The following BSN variants were observed in gnomAD, a reference collection of about 807,000 sequenced individuals.
BSN encodes the protein bassoon presynaptic cytomatrix protein.
A neutral mutation model predicts 264.8 loss-of-function variants in BSN; 57 were observed. That is an observed-to-expected ratio of 0.22 (90% CI 0.17 to 0.27). The LOEUF (loss-of-function observed/expected upper bound fraction) is 0.27, where lower values mean the gene tolerates loss of function less well. Among genes scored for constraint, BSN ranks in the 10% least tolerant of loss-of-function variants. The probability of loss-of-function intolerance (pLI) is 1.00; values close to 1 mark genes in which losing one functional copy is unlikely to be tolerated. For synonymous variants in BSN, 2,059 were observed against 2,137.3 expected (o/e 0.96, Z 1.01); for missense variants, 4,615 against 5,232.5 (o/e 0.88, Z 3.64).
chr3:49,605,105 C>T (rs1437329322), intron 1 of BSN, among the ~76,000 whole-genome samples: 1 of 148,924 alleles, frequency 6.7e-6, no homozygotes, highest in Admixed American at 7.0e-5. Context: ...ACTAAAAATA[C>T]AAAAATTAGC....
intron 1 of BSN, among the ~76,000 whole-genome samples, chr3:49,597,290 A>G (rs2052031519): frequency 6.6e-6 from 1 of 152,094 alleles, no homozygotes; most frequent in Non-Finnish European, 1.5e-5. Context: ...GCTCAAATGT[A>G]GGATTTTTTT....
intron 1 of BSN, among the ~76,000 whole-genome samples, chr3:49,578,027 T>C (rs190072636): frequency 3.8e-4 from 58 of 152,320 alleles, no homozygotes; most frequent in Non-Finnish European, 2.1e-4. Flanking sequence ...TCATTACAGG[T>C]TTCACACCTA....
In BSN at chr3:49,655,036, T is replaced by C. The variant is rs763966962; in HGVS notation, c.5480T>C (p.Ile1827Thr). The C allele has an allele frequency of 9.9e-6, 16 of 1,613,032 alleles. No individual in the cohort carries two copies. The highest frequency in any genetic ancestry group is 6.7e-5 in the African/African-American group (5 of 74,938). Residue 1827 changes from isoleucine (I) to threonine (T), a missense_variant, in exon 5 of 12, where the codon ATT becomes ACT. Around this residue, in one of 3 missense-constraint regions of BSN, gnomAD observed 3,415 missense variants for 3,866.4 expected, o/e 0.88. Transcript: ENST00000296452. ...ACTCAGATGGGCACCGCCCAGAGCA[T>C]TGGCCTCAAGCCAGGCCCAGTGCCA... Reference protein sequence around the residue: ...LITQMGTAQSIGLKPGPVPEP... With the variant: ...LITQMGTAQSTGLKPGPVPEP...
At chr3:49,591,524 T>C (rs1171470440) in intron 1 of BSN, among the ~76,000 whole-genome samples, 8 of 152,242 alleles carry the variant, frequency 5.3e-5, no homozygotes, top group Non-Finnish European at 2.9e-5. Flanking sequence ...TTTTTTTTCC[T>C]GCTTTTGTTT....
In BSN at chr3:49,656,148, A is replaced by G. The variant is rs138110376; in HGVS notation, c.6592A>G (p.Ile2198Val). 1 of 1,613,082 alleles carries G rather than the reference A, an allele frequency of 6.2e-7. No individual in the cohort carries two copies. Among genetic ancestry groups the G allele is most frequent in the South Asian group, 1.1e-5 (1 of 91,068 alleles). The stretch of plus-strand genomic sequence containing the variant: ...AGCTGATGGCATGATCTACTCGACT[A>G]TCAATACCCCAATTGCTGCAACACT... The part of the protein sequence containing the change: ...RAADGMIYST[I>V]NTPIAATLPI... Residue 2198 changes from isoleucine (I) to valine (V), a missense_variant, in exon 5 of 12, where the codon ATC (isoleucine) becomes GTC (valine). Ile to Val is a conservative substitution (Grantham distance 29, BLOSUM62 3). Coordinates refer to ENST00000296452, the MANE Select transcript of BSN (RefSeq NM_003458.4).
At chr3:49,658,603 C>G (rs146796111) in intron 5 of BSN, among the ~76,000 whole-genome samples, 40 of 152,298 alleles carry the variant, frequency 2.6e-4, no homozygotes, top group Non-Finnish European at 4.4e-4. Context: ...GTCATATGAA[C>G]CTGGCGCGGC....
intron 1 of BSN, among the ~76,000 whole-genome samples, chr3:49,619,814 T>C (rs1215249302): frequency 6.6e-6 from 1 of 152,166 alleles, no homozygotes; most frequent in African/African-American, 2.4e-5. Context: ...TTGCCGTGTT[T>C]CCTCAGCTTT....
Position 49,668,373 on chromosome 3 carries a change from T to C in BSN, c.*888T>C, listed in dbSNP as rs1432487448. 1.3e-5 allele frequency: 2 copies of C among 152,668 alleles called. No homozygotes were observed. The highest frequency in any genetic ancestry group is 2.4e-5 in the African/African-American group (1 of 41,458). The allele number at this position is 152,668 out of a possible 1,614,324, so 9.5% of individuals were successfully genotyped here. On this transcript the variant is annotated 3_prime_UTR_variant, in exon 12 of 12. Transcript: ENST00000296452. ...CAAGAACAGCCTTAATCATTCCAGTTTGATTTACGTGTATACCTCATAAAC... is the reference window on the plus strand; with the variant it reads ...CAAGAACAGCCTTAATCATTCCAGTCTGATTTACGTGTATACCTCATAAAC...
At chr3:49,613,299 A>AGAGT (rs2052223175) in intron 1 of BSN, among the ~76,000 whole-genome samples, 2 of 107,042 alleles carry the variant, frequency 1.9e-5, no homozygotes, top group African/African-American at 7.2e-5. Flanking sequence ...ATACACACAC[A>AGAGT]GAGCGAGAGA....
At chr3:49,617,283 T>TTTTATATATA (rs1260747649) in intron 1 of BSN, among the ~76,000 whole-genome samples, 10 of 122,086 alleles carry the variant, frequency 8.2e-5, no homozygotes, top group African/African-American at 3.1e-4. Context: ...ATAAAATACA[T>TTTTATATATA]TATATATATA....
Position 49,656,066 on chromosome 3 carries a change from A to G in BSN, c.6510A>G (p.Ala2170=), listed in dbSNP as rs767629515. The G allele has an allele frequency of 6.2e-7, 1 of 1,609,534 alleles. No individual in the cohort carries two copies. The highest frequency in any genetic ancestry group is 1.1e-5 in the South Asian group (1 of 90,796). The part of the protein sequence containing the change: ...SPGNLAQYGP[A]AGQGTAVRQL... ...GGAACTTGGCCCAGTATGGGCCTGC[A>G]GCAGGCCAAGGAACAGCAGTCAGAC... Residue 2170 remains alanine (A), a synonymous_variant, in exon 5 of 12, where the codon GCA becomes GCG. Coordinates refer to ENST00000296452, the MANE Select transcript of BSN (RefSeq NM_003458.4).
chr3:49,633,052 A>G (rs1487781199), intron 2 of BSN, among the ~76,000 whole-genome samples: 2 of 152,202 alleles, frequency 1.3e-5, no homozygotes, highest in African/African-American at 2.4e-5. Flanking sequence ...CACACCTGTA[A>G]TCCTAGCACT....
chr3:49,569,360 G>A (rs192624143), intron 1 of BSN, among the ~76,000 whole-genome samples: 2 of 152,294 alleles, frequency 1.3e-5, no homozygotes, highest in East Asian at 3.9e-4. Flanking sequence ...TGAATCAAGT[G>A]CATTCAATTA....
intron 1 of BSN, among the ~76,000 whole-genome samples, chr3:49,619,924 G>A (rs933506539): frequency 2.0e-5 from 3 of 152,188 alleles, no homozygotes; most frequent in Non-Finnish European, 4.4e-5. Context: ...GCCAGGCACT[G>A]TGGTAGGCCC....
intron 1 of BSN, among the ~76,000 whole-genome samples, chr3:49,579,931 G>A (rs1280235516): frequency 6.6e-6 from 1 of 151,968 alleles, no homozygotes. Context: ...AGCCATAATT[G>A]CATGTCTGAG....
intron 3 of BSN, among the ~76,000 whole-genome samples, chr3:49,649,747 CCTGT>C (rs1304772645): frequency 6.6e-6 from 1 of 152,234 alleles, no homozygotes; most frequent in African/African-American, 2.4e-5. Context: ...CATGCCAGTG[CCTGT>C]CTGTCTGCTG....
At chr3:49,628,445 C>G (rs1243871186) in intron 2 of BSN, among the ~76,000 whole-genome samples, 4 of 152,244 alleles carry the variant, frequency 2.6e-5, no homozygotes, top group African/African-American at 9.6e-5. Context: ...GGGAATCACA[C>G]ACAGTTAGCT....
At chr3:49,605,765 T>A (rs1237024721) in intron 1 of BSN, among the ~76,000 whole-genome samples, 1 of 78,716 alleles carries the variant, frequency 1.3e-5, no homozygotes, top group Non-Finnish European at 2.2e-5. Flanking sequence ...TAAATATATA[T>A]AAAAATATAT....
chr3:49,633,147 C>G (rs529263985), intron 2 of BSN, among the ~76,000 whole-genome samples: 1 of 151,208 alleles, frequency 6.6e-6, no homozygotes, highest in African/African-American at 2.4e-5. Flanking sequence ...ACTGAAAATA[C>G]AAAAGTTAGC....
Sources: allele counts gnomAD v4.1 joint callset (sites outside exome capture counted in the v4.1 genomes callset), GRCh38; gene constraint gnomAD v4.1.1; regional missense constraint gnomAD v4.1.1; transcripts MANE v1.5; gene names NCBI Gene and HGNC (gene_info 2026-07-23, HGNC 2026-07-21).